Variants in FSIP1 observed in about 807,000 individuals in gnomAD.
FSIP1 encodes fibrous sheath-interacting protein 1.
Under a neutral mutation model 60.9 loss-of-function variants are expected in FSIP1, and 65 were observed. The ratio of observed to expected loss-of-function variants is 1.07; its 90% CI spans 0.87 to 1.31. FSIP1 has a LOEUF of 1.31. Ranked by LOEUF, FSIP1 falls within the 40% of genes most tolerant of loss-of-function variation. The pLI is 0.00. For missense variants in FSIP1, 675 were observed against 665.5 expected, an observed-to-expected ratio of 1.01 and a Z score of -0.16; for synonymous variants, 209 against 221.2, an observed-to-expected ratio of 0.94 and a Z score of 0.49.
chr15:39,630,165 T>A (rs1441700137), intron 10 of FSIP1, among the ~76,000 whole-genome samples: 1 of 152,258 alleles, frequency 6.6e-6, no homozygotes, highest in African/African-American at 2.4e-5. Context: ...TTAATATATT[T>A]GCTCAGTGAA....
rs192059454 is a variant in FSIP1 at position 39,675,427 on chromosome 15, A to T, written c.1188+38017T>A. ...TTTATCACAGTAGCATTCATAACGA[A>T]AATCTGAAAATAACCCAAATGTCTA... is the stretch of plus-strand genomic sequence containing the variant. On this transcript the variant is annotated intron_variant, in intron 10 of 11. Coordinates refer to ENST00000350221, the MANE Select transcript of FSIP1 (RefSeq NM_152597.5). Among the ~76,000 whole-genome samples the T allele has an allele frequency of 3.2e-4, 48 of 152,346 alleles. No individual in the cohort carries two copies. The East Asian group carries it at 8.9e-3, about 28-fold the overall frequency.
intron 10 of FSIP1, among the ~76,000 whole-genome samples, chr15:39,622,707 T>C (rs1891484216): frequency 6.6e-6 from 1 of 152,224 alleles, no homozygotes; most frequent in African/African-American, 2.4e-5. Flanking sequence ...TCCAAGGTCA[T>C]ATAGCTTCTA....
chr15:39,717,257 A>G (rs55899942), intron 9 of FSIP1, among the ~76,000 whole-genome samples: 18,902 of 64,728 alleles, frequency 0.29, 1,402 homozygotes, highest in Non-Finnish European at 0.31. Flanking sequence ...AACAGCCCAG[A>G]TGTCCATCAA....
chr15:39,723,169 G>A (rs1896051198), intron 9 of FSIP1, among the ~76,000 whole-genome samples: 1 of 152,162 alleles, frequency 6.6e-6, no homozygotes, highest in Non-Finnish European at 1.5e-5. Context: ...AACGAGGTTT[G>A]GAGAGCTTCT....
chr15:39,600,813 A>G lies in FSIP1; in HGVS notation c.*67T>C. The G allele has an allele frequency of 7.7e-7, 1 of 1,299,014 alleles. No homozygotes were observed. Among genetic ancestry groups the G allele is most frequent in the Non-Finnish European group, 1.1e-6 (1 of 914,524 alleles). 80.5% of individuals were successfully genotyped at this position (1,299,014 alleles called of 1,614,324 possible). A position where few individuals can be genotyped will look rare whatever the true frequency, so the allele number is the denominator to read the frequency against. On this transcript the variant is annotated 3_prime_UTR_variant, in exon 12 of 12. Coordinates refer to ENST00000350221, the MANE Select transcript of FSIP1 (RefSeq NM_152597.5). ...GCAGTGCATTCATTGAATTCAAATA[A>G]TTCAATAAGAAATTTAATTTAACTT... is the stretch of plus-strand genomic sequence containing the variant.
chr15:39,662,628 A>T (rs547897482), intron 10 of FSIP1, among the ~76,000 whole-genome samples: 2 of 152,290 alleles, frequency 1.3e-5, no homozygotes, highest in Non-Finnish European at 2.9e-5. Flanking sequence ...TGAGAAATCA[A>T]ATCGACTTCC....
chr15:39,690,337 T>C (rs1339305939), intron 10 of FSIP1, among the ~76,000 whole-genome samples: 1 of 152,194 alleles, frequency 6.6e-6, no homozygotes, highest in South Asian at 2.1e-4. Flanking sequence ...AGGAGACTAG[T>C]TGCAGAAGGA....
intron 11 of FSIP1, among the ~76,000 whole-genome samples, chr15:39,602,798 T>C (rs1443609555): frequency 6.6e-6 from 1 of 152,186 alleles, no homozygotes; most frequent in African/African-American, 2.4e-5. Flanking sequence ...CATCCCTCTA[T>C]AGTGTTGTCT....
chr15:39,684,918 A>G (rs900852469), intron 10 of FSIP1, among the ~76,000 whole-genome samples: 2 of 152,196 alleles, frequency 1.3e-5, no homozygotes, highest in African/African-American at 2.4e-5. Flanking sequence ...AACTTCTCCA[A>G]GGTCACACAG....
rs542208579 is a variant in FSIP1, at chr15:39,635,102, G to A, written c.1189-16857C>T. On this transcript the variant is annotated intron_variant, in intron 10 of 11. Coordinates refer to ENST00000350221, the MANE Select transcript of FSIP1 (RefSeq NM_152597.5). Reference sequence around the variant, plus strand: ...TGTAATCCCAGCACTTTGGGAAGCCGAGGCGGGCGGATCACAAGGTCAGAA... The same window carrying A: ...TGTAATCCCAGCACTTTGGGAAGCCAAGGCGGGCGGATCACAAGGTCAGAA... Among the ~76,000 whole-genome samples the A allele has an allele frequency of 9.0e-4, 137 of 152,302 alleles. 2 individuals are homozygous for A. In the South Asian group the frequency reaches 0.013, roughly 15 times the overall value.
chr15:39,758,448 A>G (rs1241439446), intron 5 of FSIP1, among the ~76,000 whole-genome samples: 1 of 152,048 alleles, frequency 6.6e-6, no homozygotes, highest in Non-Finnish European at 1.5e-5. Context: ...TTTCCAAACT[A>G]TAGACATTGA....
At chr15:39,723,912 G>A (rs937160760) in intron 9 of FSIP1, among the ~76,000 whole-genome samples, 6 of 152,202 alleles carry the variant, frequency 3.9e-5, no homozygotes, top group Non-Finnish European at 7.3e-5. Flanking sequence ...AATTCAATGT[G>A]TAATGCTGGT....
At chr15:39,760,889 T>TA (rs1897473925) in intron 5 of FSIP1, among the ~76,000 whole-genome samples, 1 of 152,164 alleles carries the variant, frequency 6.6e-6, no homozygotes, top group African/African-American at 2.4e-5. Context: ...CTGTACTACT[T>TA]ATGCAAGTTT....
At chr15:39,673,528 C>G (rs1893802516) in intron 10 of FSIP1, among the ~76,000 whole-genome samples, 1 of 151,994 alleles carries the variant, frequency 6.6e-6, no homozygotes, top group Admixed American at 6.6e-5. Flanking sequence ...TTTGCCTAGC[C>G]TTGTCTCAGA....
chr15:39,759,788 C>T (rs1897432366), intron 5 of FSIP1, among the ~76,000 whole-genome samples: 1 of 152,192 alleles, frequency 6.6e-6, no homozygotes, highest in Non-Finnish European at 1.5e-5. Flanking sequence ...TCACTCCAAT[C>T]TCTGCCTCCG....
In FSIP1 at chr15:39,770,594, T is replaced by C. The variant is rs1417389517; in HGVS notation, c.143A>G (p.Asn48Ser). The part of the protein sequence containing the change: ...PGSFKVDTAS[N>S]LNSGKEDHSE... ...GTGGTCCTCTTTACCAGAGTTCAAG[T>C]TGCTTGCAGTATCGACCTAAAAATA... The change falls in exon 3 of 12, where the codon AAC becomes AGC. Residue 48 changes from asparagine (N) to serine (S), a missense_variant. By Grantham distance (46) the Asn-to-Ser change is conservative. Coordinates refer to ENST00000350221, the MANE Select transcript of FSIP1 (RefSeq NM_152597.5). 1.3e-6 allele frequency: 2 copies of C among 1,531,720 alleles called. No individual in the cohort carries two copies. The highest frequency in any genetic ancestry group is 1.7e-6 in the Non-Finnish European group (2 of 1,144,034). The allele number at this position is 1,531,720 out of a possible 1,614,324, so 94.9% of individuals were successfully genotyped here.
intron 11 of FSIP1, chr15:39,602,416 G>A: frequency 2.2e-6 from 1 of 454,026 alleles, no homozygotes; most frequent in Non-Finnish European, 4.4e-6. Context: ...AACTGTGAGA[G>A]AATAAATTTC....
At chr15:39,732,719 T>C (rs76081362) in intron 8 of FSIP1, among the ~76,000 whole-genome samples, 70 of 152,136 alleles carry the variant, frequency 4.6e-4, no homozygotes, top group East Asian at 4.4e-3. Flanking sequence ...TTTAGTCATA[T>C]CATTTAGTCT....
intron 11 of FSIP1, among the ~76,000 whole-genome samples, chr15:39,601,849 C>T (rs1890652160): frequency 6.6e-6 from 1 of 152,094 alleles, no homozygotes; most frequent in Non-Finnish European, 1.5e-5. Context: ...TAGGCAAATT[C>T]ACAGAGACAG....
Sources: allele counts gnomAD v4.1 joint callset (sites outside exome capture counted in the v4.1 genomes callset), GRCh38; gene constraint gnomAD v4.1.1; transcripts MANE v1.5; gene names NCBI Gene and HGNC (gene_info 2026-07-23, HGNC 2026-07-21).